TUSC3: variants seen among roughly 807,000 people sequenced by gnomAD.
The protein encoded by TUSC3 is dolichyl-diphosphooligosaccharide--protein glycosyltransferase subunit TUSC3.
TUSC3 carries 45 observed loss-of-function variants against 44.8 expected under a neutral mutation model. That is an observed-to-expected ratio of 1.00 (90% confidence interval 0.79 to 1.29). The LOEUF is 1.29. Ranked by LOEUF, TUSC3 falls within the 50% of genes most tolerant of loss-of-function variation. The pLI is 0.00. For missense variants in TUSC3, 519 were observed against 437.9 expected (o/e 1.19, Z -1.65); for synonymous variants, 212 against 152.9 (o/e 1.39, Z -2.85).
chr8:15,543,733 T>A (rs1801767656), intron 1 of TUSC3, among the ~76,000 whole-genome samples: 1 of 151,708 alleles, frequency 6.6e-6, no homozygotes, highest in Non-Finnish European at 1.5e-5. Context: ...AAGATTTTTT[T>A]GAATTGGTTT....
intron 1 of TUSC3, among the ~76,000 whole-genome samples, chr8:15,422,597 A>G (rs1420086690): frequency 6.6e-6 from 1 of 152,188 alleles, no homozygotes; most frequent in African/African-American, 2.4e-5. Flanking sequence ...CCACAAAAAC[A>G]ACAATAAAAA....
At chr8:15,819,749 TG>T in the TUSC3 span, among the ~76,000 whole-genome samples, 1 of 152,176 alleles carries the variant, frequency 6.6e-6, no homozygotes, top group Non-Finnish European at 1.5e-5. Flanking sequence ...TGATGCAAAA[TG>T]GTTACAGAAG....
intron 1 of TUSC3, among the ~76,000 whole-genome samples, chr8:15,589,397 A>G (rs942321763): frequency 4.1e-5 from 6 of 146,954 alleles, no homozygotes; most frequent in Admixed American, 1.3e-4. Flanking sequence ...AGACAATAGC[A>G]TAGGTTAAGA....
At chr8:15,820,522 C>G in the TUSC3 span, among the ~76,000 whole-genome samples, 21,416 of 151,928 alleles carry the variant, frequency 0.14, 1,669 homozygotes, top group East Asian at 0.25. Flanking sequence ...GTTTCACCAT[C>G]TTGGCCAGGA....
chr8:15,850,770 C>A, the TUSC3 span, among the ~76,000 whole-genome samples: 1 of 152,040 alleles, frequency 6.6e-6, no homozygotes, highest in Non-Finnish European at 1.5e-5. Context: ...CTTAAAACGA[C>A]ATTGAAACCA....
At chr8:15,762,091 T>C (rs1410391086) in intron 10 of TUSC3, among the ~76,000 whole-genome samples, 1 of 151,896 alleles carries the variant, frequency 6.6e-6, no homozygotes, top group Non-Finnish European at 1.5e-5. Context: ...AAGTGAAACC[T>C]GAAATACTGA....
chr8:15,496,913 C>A (rs1800887668), intron 2 of TUSC3, among the ~76,000 whole-genome samples: 1 of 152,100 alleles, frequency 6.6e-6, no homozygotes, highest in Non-Finnish European at 1.5e-5. Flanking sequence ...TGAATTTATT[C>A]ATTCATTGCA....
At chr8:15,817,142 C>A in the TUSC3 span, among the ~76,000 whole-genome samples, 1 of 152,260 alleles carries the variant, frequency 6.6e-6, no homozygotes, top group East Asian at 1.9e-4. Flanking sequence ...AATGAAGGCA[C>A]CAATGATGTT....
chr8:15,629,838 T>A (rs1168987286), intron 2 of TUSC3, among the ~76,000 whole-genome samples: 1 of 152,136 alleles, frequency 6.6e-6, no homozygotes, highest in African/African-American at 2.4e-5. Flanking sequence ...TTTGGCTTCC[T>A]TGTAAGCCCT....
the TUSC3 span, among the ~76,000 whole-genome samples, chr8:15,824,065 A>C: frequency 6.6e-6 from 1 of 152,240 alleles, no homozygotes. Context: ...TTAGCAATCA[A>C]CTACAGCTAA....
chr8:15,497,511 A>T (rs1393988336), intron 2 of TUSC3, among the ~76,000 whole-genome samples: 1 of 152,154 alleles, frequency 6.6e-6, no homozygotes, highest in Non-Finnish European at 1.5e-5. Flanking sequence ...TAGACCCATG[A>T]AGAATTGTCT....
At chr8:15,503,985 G>T (rs887138078) in intron 2 of TUSC3, among the ~76,000 whole-genome samples, 1 of 143,590 alleles carries the variant, frequency 7.0e-6, no homozygotes, top group Non-Finnish European at 1.5e-5. Context: ...CTGCTCTCCA[G>T]CCTGGGCAAC....
chr8:15,516,072 G>T (rs1422186246), intron 2 of TUSC3, among the ~76,000 whole-genome samples: 1 of 152,160 alleles, frequency 6.6e-6, no homozygotes, highest in Non-Finnish European at 1.5e-5. Context: ...GACTTCAGAA[G>T]AATGTATAAA....
At chr8:15,713,689 T>C (rs1809950762) in intron 6 of TUSC3, among the ~76,000 whole-genome samples, 1 of 152,068 alleles carries the variant, frequency 6.6e-6, no homozygotes, top group African/African-American at 2.4e-5. Flanking sequence ...ACTCAGTGCA[T>C]GTCTGTGTCT....
At chr8:15,641,949 G>A (rs544380284) in intron 2 of TUSC3, among the ~76,000 whole-genome samples, 1 of 152,308 alleles carries the variant, frequency 6.6e-6, no homozygotes, top group Admixed American at 6.5e-5. Context: ...GACTGTGGTG[G>A]TGGTAACATG....
At chr8:15,754,433 G>T (rs552026357) in intron 9 of TUSC3, among the ~76,000 whole-genome samples, 1 of 152,084 alleles carries the variant, frequency 6.6e-6, no homozygotes, top group Admixed American at 6.6e-5. Context: ...ATGTTGCAGA[G>T]ATCAACTGCT....
the TUSC3 span, among the ~76,000 whole-genome samples, chr8:15,809,749 G>A: frequency 6.6e-6 from 1 of 152,162 alleles, no homozygotes; most frequent in East Asian, 1.9e-4. Flanking sequence ...CAAAACTGTA[G>A]CAAGTGCAAC....
At chr8:15,664,417 C>T (rs998143546) in intron 5 of TUSC3, among the ~76,000 whole-genome samples, 2 of 149,280 alleles carry the variant, frequency 1.3e-5, no homozygotes, top group African/African-American at 4.9e-5. Context: ...TTCTTGAAAA[C>T]CTCTGCTATG....
At chr8:15,752,341 T>TTAATATGTACTACTCAA (rs145690741) in intron 9 of TUSC3, among the ~76,000 whole-genome samples, 5,876 of 152,066 alleles carry the variant, frequency 0.039, 226 homozygotes, top group East Asian at 0.2. Context: ...TGTGACAGCC[T>TTAATATGTACTACTCAA]TAATATGTAC....
Sources: gnomAD v4.1 joint callset for allele counts (sites outside exome capture counted in the v4.1 genomes callset) on GRCh38, gnomAD v4.1.1 for gene constraint, MANE v1.5 for transcripts, NCBI Gene and HGNC (gene_info 2026-07-23, HGNC 2026-07-21) for gene names.